The following FLNB variants were observed in gnomAD, a reference collection of about 807,000 sequenced individuals.
The protein encoded by FLNB is filamin-B.
In FLNB, 111 loss-of-function variants were observed where a neutral mutation model predicts 250.6. The observed-to-expected ratio is 0.44, with a 90% CI of 0.38 to 0.52. The LOEUF (loss-of-function observed/expected upper bound fraction) is 0.52, where lower values mean the gene tolerates loss of function less well. Among genes scored for constraint, FLNB ranks in the 20% least tolerant of loss-of-function variants. The pLI is 0.00. For missense variants in FLNB, 2,869 were observed against 3,447.8 expected (o/e 0.83, Z 4.20); for synonymous variants, 1,302 against 1,372.1 (o/e 0.95, Z 1.13).
At chr3:58,047,100 CA>C (rs1209896745) in intron 1 of FLNB, among the ~76,000 whole-genome samples, 2 of 152,170 alleles carry the variant, frequency 1.3e-5, no homozygotes, top group Admixed American at 1.3e-4. Context: ...GATTAAAAGA[CA>C]AACTTTCTCA....
chr3:58,130,807 G>T lies in FLNB; in HGVS notation c.4289G>T (p.Gly1430Val). The T allele has an allele frequency of 6.2e-7, 1 of 1,613,950 alleles. No homozygotes were observed. The highest frequency in any genetic ancestry group is 8.5e-7 in the Non-Finnish European group (1 of 1,179,970). ...AGCAAGGTCAAGATTGCCGGCCCCG[G>T]GCTGGGCTCAGGCGTCCGAGCCCGT... ...DPSKVKIAGP[G>V]LGSGVRARVL... is the part of the protein sequence containing the mutation. Residue 1430 changes from glycine to valine, a missense_variant, in exon 25 of 46, where the codon GGG becomes GTG. By Grantham distance (109) the Gly-to-Val change is moderately radical. This residue lies in a region of FLNB where 1,348 missense variants were observed against 1,466.7 expected (regional missense o/e 0.92). Transcript: ENST00000295956.
intron 2 of FLNB, chr3:58,078,480 A>G: frequency 2.6e-6 from 4 of 1,536,212 alleles, no homozygotes; most frequent in Non-Finnish European, 3.5e-6. Flanking sequence ...GATAATCCCC[A>G]TCTTCATGCA....
Position 58,146,946 on chromosome 3 carries a change from A to G in FLNB, c.5681A>G (p.Tyr1894Cys), listed in dbSNP as rs762116185. 5 of 1,614,238 alleles carry G rather than the reference A, an allele frequency of 3.1e-6. No individual in the cohort carries two copies. The highest frequency in any genetic ancestry group is 4.2e-6 in the Non-Finnish European group (5 of 1,180,044). The change falls in exon 34 of 46, where the codon TAC becomes TGC. Residue 1894 changes from tyrosine (Y) to cysteine (C), a missense_variant. Tyr to Cys is a radical substitution (Grantham distance 194, BLOSUM62 -2). Coordinates refer to ENST00000295956, the MANE Select transcript of FLNB (RefSeq NM_001457.4). ...GGCGACTACAGCATTCTGGTCAAGTACAATGACAAGCACATCCCTGGCAGC... is the reference window on the plus strand; with the variant it reads ...GGCGACTACAGCATTCTGGTCAAGTGCAATGACAAGCACATCCCTGGCAGC... Reference protein sequence around the residue: ...LPGDYSILVKYNDKHIPGSPF... With the variant: ...LPGDYSILVKCNDKHIPGSPF...
intron 42 of FLNB, 170 bp from the exon 43 acceptor site, chr3:58,162,984 A>G (rs1231125105): frequency 2.9e-6 from 2 of 689,118 alleles, no homozygotes; most frequent in Non-Finnish European, 5.2e-6. Flanking sequence ...GATGAGGGAT[A>G]CCCAGGGGGT....
chr3:58,102,754 A>G (rs748461559), intron 9 of FLNB, among the ~76,000 whole-genome samples: 8 of 152,240 alleles, frequency 5.3e-5, no homozygotes, highest in Non-Finnish European at 8.8e-5. Flanking sequence ...TTCCCACTAC[A>G]GGTTACATTT....
At chr3:58,154,569 C>A in intron 39 of FLNB, 12 of 487,276 alleles carry the variant, frequency 2.5e-5, no homozygotes, top group East Asian at 1.2e-4. Flanking sequence ...AAAGACATGT[C>A]TTCAGAGGAC....
chr3:58,150,633 G>A, intron 38 of FLNB: 1 of 294,292 alleles, frequency 3.4e-6, no homozygotes, highest in Non-Finnish European at 6.6e-6. Flanking sequence ...TTTCATTCCT[G>A]AAATTAGAAC....
intron 22 of FLNB, among the ~76,000 whole-genome samples, chr3:58,124,853 G>GGA (rs1559712073): frequency 6.6e-6 from 1 of 151,804 alleles, no homozygotes; most frequent in East Asian, 1.9e-4. Context: ...AAACCATAAA[G>GGA]AAAAAAAAGT....
intron 8 of FLNB, among the ~76,000 whole-genome samples, chr3:58,100,652 T>C (rs181658178): frequency 1.7e-3 from 258 of 149,304 alleles, no homozygotes; most frequent in Non-Finnish European, 2.8e-3. Flanking sequence ...TGCTGGAGTG[T>C]GGTGGTGTGA....
chr3:58,166,994 G>A (rs1159208750), intron 43 of FLNB, among the ~76,000 whole-genome samples: 1 of 152,146 alleles, frequency 6.6e-6, no homozygotes, highest in Admixed American at 6.6e-5. Context: ...TGGGCATGGT[G>A]GCGAGTGCCT....
In FLNB at chr3:58,123,311, A is replaced by C. The variant is rs1188035760; in HGVS notation, c.3345A>C (p.Glu1115Asp). The C allele has an allele frequency of 1.2e-6, 2 of 1,614,146 alleles. No homozygotes were observed. Among genetic ancestry groups the C allele is most frequent in the Non-Finnish European group, 1.7e-6 (2 of 1,180,012 alleles). Residue 1115 changes from glutamate (E) to aspartate (D), a missense_variant, in exon 21 of 46, where the codon GAA (glutamate) becomes GAC (aspartate). By Grantham distance (45) the Glu-to-Asp change is conservative. This residue lies in a region of FLNB where 1,348 missense variants were observed against 1,466.7 expected (regional missense o/e 0.92). Transcript: ENST00000295956. ...ACTTCGTCAACATCCTCTTTGAAGAAGTCCACATACCTGGGTCTCCCTTCA... is the reference window on the plus strand; with the variant it reads ...ACTTCGTCAACATCCTCTTTGAAGACGTCCACATACCTGGGTCTCCCTTCA... ...GEYFVNILFE[E>D]VHIPGSPFKA...
rs1237605983 is a variant in FLNB at position 58,039,028 on chromosome 3, T to TA, written c.292+30172_292+30173insA. The stretch of plus-strand genomic sequence containing the variant: ...GGTTGCTTGAAGTTAGTTCCTTTTT[T>TA]TTTTTTTTTTTAAAAAAAAGACAAG... On this transcript the variant is annotated intron_variant, in intron 1 of 45. Transcript: ENST00000295956. Among the ~76,000 whole-genome samples, 3 of 150,502 alleles carry TA rather than the reference T, an allele frequency of 2.0e-5. No individual in the cohort carries two copies. The East Asian group carries it at 5.8e-4, about 29-fold the overall frequency.
intron 1 of FLNB, among the ~76,000 whole-genome samples, chr3:58,034,401 T>C (rs1014116507): frequency 7.8e-6 from 1 of 128,536 alleles, no homozygotes; most frequent in Admixed American, 7.3e-5. Flanking sequence ...TTAAAGACAA[T>C]TTTTTTTTTT....
intron 1 of FLNB, among the ~76,000 whole-genome samples, chr3:58,056,233 C>A (rs1415031047): frequency 6.6e-6 from 1 of 151,040 alleles, no homozygotes; most frequent in African/African-American, 2.4e-5. Context: ...TCCTGAGTAG[C>A]TGGGATTACA....
At chr3:58,076,013 G>A (rs1266695954) in intron 1 of FLNB, among the ~76,000 whole-genome samples, 2 of 152,162 alleles carry the variant, frequency 1.3e-5, no homozygotes, top group Non-Finnish European at 2.9e-5. Flanking sequence ...GGCATGTTCT[G>A]TTAAGCAAGG....
chr3:58,037,120 A>C (rs2097139241), intron 1 of FLNB, among the ~76,000 whole-genome samples: 2 of 132,344 alleles, frequency 1.5e-5, no homozygotes, highest in South Asian at 4.8e-4. Context: ...GCTGGAGTGC[A>C]GTGGCACCAT....
intron 18 of FLNB, among the ~76,000 whole-genome samples, chr3:58,117,334 T>A (rs2097280168): frequency 6.6e-6 from 1 of 152,148 alleles, no homozygotes; most frequent in Non-Finnish European, 1.5e-5. Flanking sequence ...TCTATCTGAG[T>A]TTTTGTTTTG....
chr3:58,014,873 CG>C (rs766258308), intron 1 of FLNB, among the ~76,000 whole-genome samples: 2 of 152,124 alleles, frequency 1.3e-5, no homozygotes, highest in Non-Finnish European at 2.9e-5. Flanking sequence ...GGATTACAGG[CG>C]TGCGCCACTA....
chr3:58,025,439 A>AT (rs576899851), intron 1 of FLNB, among the ~76,000 whole-genome samples: 18 of 147,864 alleles, frequency 1.2e-4, no homozygotes, highest in South Asian at 6.5e-4. Flanking sequence ...CTTCCCTCTC[A>AT]TTTTTTTTTC....
Sources: gnomAD v4.1 joint callset for allele counts (sites outside exome capture counted in the v4.1 genomes callset) on GRCh38, gnomAD v4.1.1 for gene constraint, gnomAD v4.1.1 regional missense constraint, MANE v1.5 for transcripts, NCBI Gene and HGNC (gene_info 2026-07-23, HGNC 2026-07-21) for gene names.